The following PXDNL variants were observed in gnomAD, a reference collection of about 807,000 sequenced individuals.
PXDNL encodes probable oxidoreductase PXDNL.
A neutral mutation model predicts 150.8 loss-of-function variants in PXDNL; 145 were observed. The observed-to-expected ratio is 0.96, with a 90% confidence interval of 0.84 to 1.10. The LOEUF (loss-of-function observed/expected upper bound fraction) is 1.10. PXDNL is among the 50% of genes least tolerant of loss of function. The pLI is 0.00. For synonymous variants in PXDNL, 757 were observed against 725.7 expected, an observed-to-expected ratio of 1.04 and a Z score of -0.69; for missense variants, 2,087 against 1,873.9, an observed-to-expected ratio of 1.11 and a Z score of -2.10.
intron 2 of PXDNL, among the ~76,000 whole-genome samples, chr8:51,648,065 T>C (rs1814960794): frequency 6.6e-6 from 1 of 152,204 alleles, no homozygotes; most frequent in Non-Finnish European, 1.5e-5. Flanking sequence ...GCATCATTCT[T>C]CTTTTTGCAA....
At chr8:51,798,574 A>G (rs1585758626) in intron 1 of PXDNL, among the ~76,000 whole-genome samples, 1 of 152,360 alleles carries the variant, frequency 6.6e-6, no homozygotes, top group East Asian at 1.9e-4. Context: ...GTCAACAAAC[A>G]TATGAAAAAA....
chr8:51,385,843 C>G (rs956301411), intron 17 of PXDNL, among the ~76,000 whole-genome samples: 12 of 152,202 alleles, frequency 7.9e-5, no homozygotes, highest in Non-Finnish European at 1.5e-4. Flanking sequence ...CTCTCATTCT[C>G]TCTTGCCTGC....
At chr8:51,600,306 G>C (rs34875393) in intron 2 of PXDNL, among the ~76,000 whole-genome samples, 5,354 of 70,280 alleles carry the variant, frequency 0.076, 999 homozygotes, top group African/African-American at 0.37. Context: ...TAAATTATAT[G>C]GTTTAGATAA....
intron 1 of PXDNL, among the ~76,000 whole-genome samples, chr8:51,760,551 A>T (rs2130995628): frequency 6.6e-6 from 1 of 152,296 alleles, no homozygotes; most frequent in East Asian, 1.9e-4. Flanking sequence ...TTCTAACTCC[A>T]TGTATGTATT....
intron 4 of PXDNL, among the ~76,000 whole-genome samples, chr8:51,506,552 A>G (rs1307809775): frequency 1.3e-5 from 2 of 150,866 alleles, no homozygotes; most frequent in Non-Finnish European, 3.0e-5. Context: ...AAAAAAAAAA[A>G]AAAAAAAAAA....
intron 17 of PXDNL, among the ~76,000 whole-genome samples, chr8:51,384,329 G>A (rs1807634872): frequency 6.6e-6 from 1 of 151,538 alleles, no homozygotes; most frequent in Non-Finnish European, 1.5e-5. Flanking sequence ...TCAGACACAT[G>A]GTACAAAATA....
chr8:51,687,427 G>T (rs1245264594), intron 1 of PXDNL, among the ~76,000 whole-genome samples: 1 of 152,182 alleles, frequency 6.6e-6, no homozygotes, highest in Admixed American at 6.5e-5. Context: ...ATTATATACG[G>T]TATATAGCTA....
intron 1 of PXDNL, among the ~76,000 whole-genome samples, chr8:51,737,666 C>T (rs926315443): frequency 1.1e-4 from 17 of 152,210 alleles, no homozygotes; most frequent in African/African-American, 4.1e-4. Context: ...AGACAGTTCT[C>T]CATCCTGCCT....
chr8:51,522,603 G>T (rs1029967013), intron 4 of PXDNL, among the ~76,000 whole-genome samples: 6 of 150,642 alleles, frequency 4.0e-5, no homozygotes, highest in Non-Finnish European at 6.0e-5. Context: ...CAGCACTTTG[G>T]GGGGCCGAAG....
intron 9 of PXDNL, among the ~76,000 whole-genome samples, chr8:51,455,174 AAATAAATGTTCCGAGGT>A (rs1185745890): frequency 6.6e-6 from 1 of 151,442 alleles, no homozygotes; most frequent in East Asian, 1.9e-4. Flanking sequence ...ATAATAATTG[AAATAAATGTTCCGAGGT>A]AAGTCAGTGG....
chr8:51,717,159 A>C (rs540220786), intron 1 of PXDNL, among the ~76,000 whole-genome samples: 19 of 152,308 alleles, frequency 1.2e-4, no homozygotes, highest in Non-Finnish European at 2.4e-4. Context: ...GGGAATGAGA[A>C]AGAAGGGGCT....
intron 4 of PXDNL, among the ~76,000 whole-genome samples, chr8:51,552,320 C>T (rs182554456): frequency 6.6e-6 from 1 of 151,840 alleles, no homozygotes; most frequent in Non-Finnish European, 1.5e-5. Flanking sequence ...CCAGCAATCC[C>T]ACTACTGGGT....
intron 1 of PXDNL, among the ~76,000 whole-genome samples, chr8:51,801,223 TG>T (rs1048153627): frequency 2.0e-5 from 3 of 152,140 alleles, no homozygotes; most frequent in African/African-American, 7.2e-5. Context: ...AAATACGCCC[TG>T]GTCTCCTGCA....
intron 1 of PXDNL, among the ~76,000 whole-genome samples, chr8:51,669,115 T>G (rs1042531605): frequency 6.6e-6 from 1 of 152,222 alleles, no homozygotes; most frequent in African/African-American, 2.4e-5. Flanking sequence ...GTCAACTTAT[T>G]TTCTTTCAGG....
At chr8:51,679,376 A>T (rs1815694457) in intron 1 of PXDNL, among the ~76,000 whole-genome samples, 1 of 152,152 alleles carries the variant, frequency 6.6e-6, no homozygotes, top group Non-Finnish European at 1.5e-5. Flanking sequence ...ATTCCATGAG[A>T]TACTATGATA....
chr8:51,382,330 A>G (rs1401973934), intron 17 of PXDNL, among the ~76,000 whole-genome samples: 2 of 152,104 alleles, frequency 1.3e-5, no homozygotes, highest in African/African-American at 4.8e-5. Flanking sequence ...CCCTGCTGAC[A>G]CCTTGATTCC....
chr8:51,747,242 GAC>G (rs1198360561), intron 1 of PXDNL, among the ~76,000 whole-genome samples: 4 of 152,182 alleles, frequency 2.6e-5, no homozygotes, highest in Non-Finnish European at 5.9e-5. Context: ...GGGTACCACA[GAC>G]ACACACACCA....
chr8:51,564,111 G>C (rs553992468), intron 3 of PXDNL, among the ~76,000 whole-genome samples: 1 of 152,044 alleles, frequency 6.6e-6, no homozygotes, highest in East Asian at 1.9e-4. Flanking sequence ...AAGGACACTT[G>C]CTATTCAGAT....
chr8:51,596,548 C>T (rs1217848920), intron 2 of PXDNL, among the ~76,000 whole-genome samples: 1 of 152,142 alleles, frequency 6.6e-6, no homozygotes, highest in African/African-American at 2.4e-5. Context: ...TCTCCACAGC[C>T]TCAACCACAG....
Sources: allele counts gnomAD v4.1 joint callset (sites outside exome capture counted in the v4.1 genomes callset), GRCh38; gene constraint gnomAD v4.1.1; transcripts MANE v1.5; gene names NCBI Gene and HGNC (gene_info 2026-07-23, HGNC 2026-07-21).